Variants in CADM2 observed in about 807,000 individuals in gnomAD.
CADM2 encodes cell adhesion molecule 2.
In CADM2, 12 loss-of-function variants were observed where a neutral mutation model predicts 49.8. The observed-to-expected ratio is 0.24, with a 90% CI of 0.15 to 0.39. CADM2 has a LOEUF of 0.39. Among genes scored for constraint, CADM2 ranks in the 10% least tolerant of loss-of-function variants. The probability of loss-of-function intolerance (pLI) is 1.00; values close to 1 mark genes in which losing one functional copy is unlikely to be tolerated. For missense variants in CADM2, 378 were observed against 492.3 expected (o/e 0.77, Z 2.20); for synonymous variants, 214 against 175.4 (o/e 1.22, Z -1.74).
At chr3:85,440,368 G>T (rs538577593) in intron 1 of CADM2, among the ~76,000 whole-genome samples, 1 of 152,180 alleles carries the variant, frequency 6.6e-6, no homozygotes, top group South Asian at 2.1e-4. Context: ...TTAGGTTTCC[G>T]ACTGTAAAGT....
At chr3:85,690,695 T>C (rs1419642012) in intron 1 of CADM2, among the ~76,000 whole-genome samples, 1 of 152,142 alleles carries the variant, frequency 6.6e-6, no homozygotes, top group African/African-American at 2.4e-5. Flanking sequence ...GTACACCAGA[T>C]TGTAGAGAGG....
Position 85,349,006 on chromosome 3 carries a change from G to A in CADM2, c.62-377516G>A, listed in dbSNP as rs568405960. On this transcript the variant is annotated intron_variant, in intron 1 of 9. Coordinates refer to ENST00000383699, the MANE Select transcript of CADM2 (RefSeq NM_001167675.2). ...GTAGTATGAAAACGTGAGTCATTCA[G>A]TATCCTTTCTCATAATCATAATTTT... 1.6e-4 allele frequency among the ~76,000 whole-genome samples: 24 copies of A among 152,210 alleles called. No individual in the cohort carries two copies. The South Asian group carries it at 5.0e-3, about 32-fold the overall frequency.
chr3:85,676,561 A>G (rs1315550986), intron 1 of CADM2, among the ~76,000 whole-genome samples: 3 of 152,224 alleles, frequency 2.0e-5, no homozygotes, highest in Admixed American at 6.5e-5. Flanking sequence ...GTAATTAATG[A>G]CATCCAAAAT....
At chr3:85,740,348 G>A (rs2068331211) in intron 2 of CADM2, among the ~76,000 whole-genome samples, 1 of 152,092 alleles carries the variant, frequency 6.6e-6, no homozygotes, top group Non-Finnish European at 1.5e-5. Context: ...AACAGCTTCA[G>A]TAATAAAGAT....
At chr3:85,990,657 G>A (rs1454886145) in intron 8 of CADM2, among the ~76,000 whole-genome samples, 1 of 152,014 alleles carries the variant, frequency 6.6e-6, no homozygotes, top group East Asian at 1.9e-4. Flanking sequence ...TAAATAATAA[G>A]GGTTAGCTTT....
chr3:85,245,397 A>G (rs1235758799), intron 1 of CADM2, among the ~76,000 whole-genome samples: 1 of 151,984 alleles, frequency 6.6e-6, no homozygotes, highest in Non-Finnish European at 1.5e-5. Flanking sequence ...CTGTAGTACC[A>G]GCTACTTGGG....
intron 1 of CADM2, among the ~76,000 whole-genome samples, chr3:85,157,973 T>A (rs987567568): frequency 1.3e-5 from 2 of 151,782 alleles, no homozygotes; most frequent in African/African-American, 4.8e-5. Flanking sequence ...GAATCTACAA[T>A]GAACTCAAAC....
intron 1 of CADM2, among the ~76,000 whole-genome samples, chr3:84,988,158 T>C (rs2032687123): frequency 6.6e-6 from 1 of 152,230 alleles, no homozygotes; most frequent in Admixed American, 6.5e-5. Flanking sequence ...TCACCCTGCC[T>C]GTTTTGGAGT....
chr3:85,988,185 A>C (rs1336010279), intron 8 of CADM2, among the ~76,000 whole-genome samples: 1 of 152,180 alleles, frequency 6.6e-6, no homozygotes, highest in Non-Finnish European at 1.5e-5. Flanking sequence ...GAATTCCAAT[A>C]AGTGTTCAGA....
At chr3:84,997,511 A>G (rs2033241341) in intron 1 of CADM2, among the ~76,000 whole-genome samples, 1 of 151,996 alleles carries the variant, frequency 6.6e-6, no homozygotes, top group Non-Finnish European at 1.5e-5. Context: ...GAATTTTGAG[A>G]AAAATGTTGG....
chr3:85,408,186 T>C (rs2035490181), intron 1 of CADM2, among the ~76,000 whole-genome samples: 1 of 152,058 alleles, frequency 6.6e-6, no homozygotes, highest in African/African-American at 2.4e-5. Flanking sequence ...GGATAATAGT[T>C]CAGCAATATT....
chr3:85,189,062 A>AAATAAAT (rs1553693249), intron 1 of CADM2, among the ~76,000 whole-genome samples: 3 of 145,560 alleles, frequency 2.1e-5, no homozygotes, highest in Admixed American at 6.9e-5. Flanking sequence ...ATAAATAAAT[A>AAATAAAT]AAATAAATAA....
intron 1 of CADM2, among the ~76,000 whole-genome samples, chr3:85,476,897 AACACACAC>A (rs35319709): frequency 5.5e-4 from 80 of 145,990 alleles, no homozygotes; most frequent in African/African-American, 1.8e-3. Context: ...AAAGATTTTA[AACACACAC>A]ACACACACAC....
At chr3:85,070,815 A>C (rs2107471887) in intron 1 of CADM2, among the ~76,000 whole-genome samples, 1 of 151,914 alleles carries the variant, frequency 6.6e-6, no homozygotes, top group South Asian at 2.1e-4. Context: ...ACATGGTGAA[A>C]TGTCTCTACC....
intron 1 of CADM2, among the ~76,000 whole-genome samples, chr3:85,004,632 G>A (rs957870302): frequency 9.7e-5 from 13 of 134,160 alleles, no homozygotes; most frequent in Admixed American, 7.1e-4. Flanking sequence ...CTGGTGATTT[G>A]AAGGAGTGAT....
At chr3:85,771,097 C>T (rs1305632960) in intron 2 of CADM2, among the ~76,000 whole-genome samples, 1 of 152,060 alleles carries the variant, frequency 6.6e-6, no homozygotes, top group East Asian at 1.9e-4. Context: ...AATTAGAAAA[C>T]AATAACTCTT....
intron 1 of CADM2, among the ~76,000 whole-genome samples, chr3:85,140,777 G>C (rs1173954206): frequency 6.6e-6 from 1 of 152,172 alleles, no homozygotes; most frequent in Non-Finnish European, 1.5e-5. Context: ...CTTTTAAAAT[G>C]GCTGGTGCTT....
At chr3:85,078,604 T>C (rs755257876) in intron 1 of CADM2, among the ~76,000 whole-genome samples, 8 of 151,816 alleles carry the variant, frequency 5.3e-5, no homozygotes, top group Non-Finnish European at 8.9e-5. Context: ...AGAAACTGTC[T>C]TCCAATTTTA....
intron 1 of CADM2, among the ~76,000 whole-genome samples, chr3:85,439,263 C>G (rs1038477192): frequency 1.3e-5 from 2 of 151,586 alleles, no homozygotes; most frequent in African/African-American, 4.9e-5. Context: ...ATGCGATTCT[C>G]CTGCCTCAGT....
Sources: gnomAD v4.1 joint callset for allele counts (sites outside exome capture counted in the v4.1 genomes callset) on GRCh38, gnomAD v4.1.1 for gene constraint, MANE v1.5 for transcripts, NCBI Gene and HGNC (gene_info 2026-07-23, HGNC 2026-07-21) for gene names.